CFAP20DC: variants seen among roughly 807,000 people sequenced by gnomAD.
The protein encoded by CFAP20DC is protein CFAP20DC.
CFAP20DC carries 84 observed loss-of-function variants against 101.7 expected under a neutral mutation model. The observed-to-expected ratio is 0.83, with a 90% confidence interval of 0.69 to 0.99. CFAP20DC has a LOEUF of 0.99. CFAP20DC is among the 50% of genes least tolerant of loss of function. CFAP20DC has a pLI of 0.00. For missense variants in CFAP20DC, 1,007 were observed against 970.3 expected (o/e 1.04, Z -0.50); for synonymous variants, 359 against 351.2 (o/e 1.02, Z -0.25).
intron 4 of CFAP20DC, among the ~76,000 whole-genome samples, chr3:58,997,889 G>T (rs79523695): frequency 5.8e-4 from 89 of 152,216 alleles, no homozygotes; most frequent in East Asian, 4.2e-3. Flanking sequence ...AGTGGGTATA[G>T]GGGGGTCCAG....
At chr3:58,941,323 G>A (rs866648903) in intron 4 of CFAP20DC, among the ~76,000 whole-genome samples, 144 of 77,678 alleles carry the variant, frequency 1.9e-3, no homozygotes, top group Middle Eastern at 0.014. Context: ...GCGAGACTCC[G>A]TCTCAAAAAA....
At chr3:58,974,161 T>A (rs1027360025) in intron 4 of CFAP20DC, among the ~76,000 whole-genome samples, 5 of 152,062 alleles carry the variant, frequency 3.3e-5, no homozygotes, top group African/African-American at 1.2e-4. Context: ...ATGGGTGAGT[T>A]GCGTGTCACT....
intron 4 of CFAP20DC, among the ~76,000 whole-genome samples, chr3:58,966,594 G>A (rs2108301013): frequency 6.6e-6 from 1 of 151,152 alleles, no homozygotes; most frequent in Admixed American, 6.6e-5. Context: ...TATGATCTCA[G>A]CTCACTATAA....
At chr3:58,938,533 A>AT (rs371473550) in intron 4 of CFAP20DC, among the ~76,000 whole-genome samples, 17 of 152,216 alleles carry the variant, frequency 1.1e-4, no homozygotes, top group African/African-American at 3.4e-4. Context: ...TTTGAGAATG[A>AT]TTTTTCCCCG....
At position 58,866,623 on chromosome 3, in the gene CFAP20DC, G is replaced by T. The variant is rs1316289220; in HGVS notation, c.1201C>A (p.Gln401Lys). 6.2e-7 allele frequency: 1 copy of T among 1,610,610 alleles called. No homozygotes were observed. The highest frequency in any genetic ancestry group is 1.3e-5 in the African/African-American group (1 of 74,942). ...ASTILTTVSQ[Q>K]GAELLNSGTL... is the part of the protein sequence containing the mutation. ...CCGGAGTTCAACAGCTCTGCTCCTT[G>T]TTGGGACACAGTGGTGAGGATAGTT... Residue 401 changes from glutamine to lysine, a missense_variant, in exon 11 of 17, where the codon CAA (glutamine) becomes AAA (lysine). Transcript: ENST00000482387.
intron 4 of CFAP20DC, among the ~76,000 whole-genome samples, chr3:58,979,365 G>A (rs1309592307): frequency 2.0e-5 from 3 of 152,202 alleles, no homozygotes; most frequent in Admixed American, 2.0e-4. Flanking sequence ...ATGCAATAAT[G>A]TATGTAAATT....
chr3:58,992,704 AT>A, intron 4 of CFAP20DC: 1 of 247,026 alleles, frequency 4.0e-6, no homozygotes, highest in Middle Eastern at 2.0e-3. Flanking sequence ...TAATGAAGAC[AT>A]TATATAAAAA....
At chr3:58,842,107 C>T (rs2077159899) in intron 13 of CFAP20DC, among the ~76,000 whole-genome samples, 1 of 152,202 alleles carries the variant, frequency 6.6e-6, no homozygotes, top group South Asian at 2.1e-4. Context: ...TTACCCAGCA[C>T]TTAGCAAATC....
intron 7 of CFAP20DC, among the ~76,000 whole-genome samples, chr3:58,880,264 A>G (rs2081131291): frequency 6.6e-6 from 1 of 152,184 alleles, no homozygotes; most frequent in Admixed American, 6.5e-5. Context: ...TTTTATGCAT[A>G]TATCATATGT....
intron 6 of CFAP20DC, among the ~76,000 whole-genome samples, chr3:58,898,549 T>G (rs1157451991): frequency 2.6e-5 from 4 of 152,244 alleles, no homozygotes; most frequent in South Asian, 2.1e-4. Context: ...AGTTACGTTC[T>G]TCTTTAAACT....
At chr3:58,935,118 A>C (rs1372297116) in intron 5 of CFAP20DC, among the ~76,000 whole-genome samples, 1 of 152,228 alleles carries the variant, frequency 6.6e-6, no homozygotes, top group Admixed American at 6.5e-5. Flanking sequence ...AAGCATTCTT[A>C]TATACCAATA....
chr3:59,017,677 A>G (rs1198825813), intron 4 of CFAP20DC: 2 of 152,124 alleles, frequency 1.3e-5, no homozygotes, highest in Non-Finnish European at 2.9e-5. Flanking sequence ...TTAAACAGCT[A>G]TTACTGTTTA....
chr3:59,032,168 G>A (rs564751850), intron 4 of CFAP20DC, among the ~76,000 whole-genome samples: 9 of 152,246 alleles, frequency 5.9e-5, no homozygotes, highest in Non-Finnish European at 1.2e-4. Context: ...TTCCAGCCCA[G>A]ATACTACACT....
intron 4 of CFAP20DC, among the ~76,000 whole-genome samples, chr3:59,019,657 A>G (rs1328364339): frequency 6.6e-6 from 1 of 152,092 alleles, no homozygotes; most frequent in Non-Finnish European, 1.5e-5. Flanking sequence ...GACTGATATA[A>G]CTACCTAATT....
chr3:58,935,900 A>C (rs1456226217), intron 5 of CFAP20DC, among the ~76,000 whole-genome samples: 1 of 152,104 alleles, frequency 6.6e-6, no homozygotes, highest in East Asian at 1.9e-4. Context: ...AAGCAATGGC[A>C]ACAAAAGCCA....
chr3:58,780,201 T>C (rs1172482612), intron 15 of CFAP20DC, among the ~76,000 whole-genome samples: 1 of 152,110 alleles, frequency 6.6e-6, no homozygotes, highest in Non-Finnish European at 1.5e-5. Context: ...AGACCAGCCC[T>C]ACAAGCAATG....
At chr3:58,942,416 A>G (rs61219399) in intron 4 of CFAP20DC, among the ~76,000 whole-genome samples, 9,023 of 152,244 alleles carry the variant, frequency 0.059, 582 homozygotes, top group East Asian at 0.39. Context: ...GTTGCAGTCC[A>G]TGGAGGGCAA....
intron 4 of CFAP20DC, among the ~76,000 whole-genome samples, chr3:59,026,643 T>C (rs1234856213): frequency 6.6e-6 from 1 of 152,162 alleles, no homozygotes; most frequent in East Asian, 1.9e-4. Flanking sequence ...CGATGACATA[T>C]GAAAAGATCA....
chr3:58,916,999 T>C (rs2084805906), intron 5 of CFAP20DC, among the ~76,000 whole-genome samples: 1 of 152,164 alleles, frequency 6.6e-6, no homozygotes, highest in African/African-American at 2.4e-5. Flanking sequence ...AATTACTATA[T>C]TTCTATGTAC....
Sources: gnomAD v4.1 joint callset for allele counts (sites outside exome capture counted in the v4.1 genomes callset) on GRCh38, gnomAD v4.1.1 for gene constraint, MANE v1.5 for transcripts, NCBI Gene and HGNC (gene_info 2026-07-23, HGNC 2026-07-21) for gene names.